Variants in ANKS1B observed in about 807,000 individuals in gnomAD.
ANKS1B encodes the protein ankyrin repeat and sterile alpha motif domain-containing protein 1B.
A neutral mutation model predicts 148.3 loss-of-function variants in ANKS1B; 36 were observed. The observed-to-expected ratio is 0.24, with a 90% CI of 0.19 to 0.32. The LOEUF (loss-of-function observed/expected upper bound fraction) is 0.32, where lower values mean the gene tolerates loss of function less well. ANKS1B is among the 10% of genes least tolerant of loss of function. The pLI, the probability that ANKS1B is intolerant of heterozygous loss-of-function variation, is 1.00. For synonymous variants in ANKS1B, 542 were observed against 560.8 expected (o/e 0.97, Z 0.47); for missense variants, 1,157 against 1,542.6 (o/e 0.75, Z 4.19).
At chr12:99,263,606 C>T (rs1225207384) in intron 12 of ANKS1B, among the ~76,000 whole-genome samples, 1 of 152,030 alleles carries the variant, frequency 6.6e-6, no homozygotes, top group Non-Finnish European at 1.5e-5. Context: ...GTGTCCCTAC[C>T]CAAATCTTAT....
chr12:98,965,932 T>A (rs12307893), intron 17 of ANKS1B, among the ~76,000 whole-genome samples: 77,019 of 151,954 alleles, frequency 0.51, 21,755 homozygotes, highest in African/African-American at 0.77. Flanking sequence ...TTAGACCTAA[T>A]ACCATAAAAA....
intron 17 of ANKS1B, among the ~76,000 whole-genome samples, chr12:98,911,023 T>C (rs1258851791): frequency 6.6e-6 from 1 of 152,072 alleles, no homozygotes; most frequent in Non-Finnish European, 1.5e-5. Context: ...TCTGTCAACA[T>C]ATGGAGAATT....
chr12:98,975,629 C>T (rs544241929), intron 17 of ANKS1B, among the ~76,000 whole-genome samples: 1 of 152,150 alleles, frequency 6.6e-6, no homozygotes, highest in South Asian at 2.1e-4. Flanking sequence ...GGGAAAGTCA[C>T]AGGGAGCATT....
Position 99,088,838 on chromosome 12 carries a change from G to GTTTTTTTTTTTTT in ANKS1B, c.2527-3828_2527-3816dup, listed in dbSNP as rs386377539. On this transcript the variant is annotated intron_variant, in intron 15 of 26. Coordinates refer to ENST00000683438, the MANE Select transcript of ANKS1B (RefSeq NM_001352186.2). ...GCTAGCAAATCTCAGTTTAACTTCT[G>GTTTTTTTTTTTTT]TTTTTTTTTTTTTTTTTTTTTTTTG... Among the ~76,000 whole-genome samples the GTTTTTTTTTTTTT allele has an allele frequency of 3.4e-4, 24 of 69,850 alleles. 3 individuals carry two copies. Among genetic ancestry groups the GTTTTTTTTTTTTT allele is most frequent in the African/African-American group, 8.8e-4 (14 of 15,946 alleles). The allele number at this position is 69,850 out of a possible 152,430, so 45.8% of individuals were successfully genotyped here.
intron 25 of ANKS1B, among the ~76,000 whole-genome samples, chr12:98,758,748 TTTTTCTTTTTTC>T (rs1231493854): frequency 7.1e-6 from 1 of 141,642 alleles, no homozygotes; most frequent in Admixed American, 7.0e-5. Context: ...TCCCCAGGGA[TTTTTCTTTTTTC>T]TTTTCTTTTC....
intron 14 of ANKS1B, among the ~76,000 whole-genome samples, chr12:99,197,806 G>C (rs1470192398): frequency 6.6e-6 from 1 of 152,096 alleles, no homozygotes; most frequent in Non-Finnish European, 1.5e-5. Flanking sequence ...TTTGATTTTA[G>C]CTCAATCAGA....
chr12:99,391,740 C>CTT (rs1478887757), intron 12 of ANKS1B, among the ~76,000 whole-genome samples: 1 of 152,186 alleles, frequency 6.6e-6, no homozygotes, highest in African/African-American at 2.4e-5. Flanking sequence ...AAGCAATCAA[C>CTT]TTTTCTTCAT....
At chr12:99,470,652 G>A (rs2096226158) in intron 10 of ANKS1B, among the ~76,000 whole-genome samples, 1 of 152,220 alleles carries the variant, frequency 6.6e-6, no homozygotes, top group Admixed American at 6.5e-5. Flanking sequence ...ATGCTAACAA[G>A]AGTGTGCACT....
chr12:99,778,080 G>T (rs2063857570), intron 6 of ANKS1B, among the ~76,000 whole-genome samples: 1 of 151,804 alleles, frequency 6.6e-6, no homozygotes, highest in Non-Finnish European at 1.5e-5. Context: ...GGTGCCTGTA[G>T]TCCCAGCTAC....
At chr12:98,855,796 C>T (rs918471366) in intron 17 of ANKS1B, among the ~76,000 whole-genome samples, 6 of 151,658 alleles carry the variant, frequency 4.0e-5, no homozygotes, top group Non-Finnish European at 8.8e-5. Context: ...TTGTAAACTG[C>T]AAAATGTCCT....
At chr12:99,886,810 C>T (rs56118713) in intron 1 of ANKS1B, among the ~76,000 whole-genome samples, 25,618 of 152,198 alleles carry the variant, frequency 0.17, 2,724 homozygotes, top group Non-Finnish European at 0.24. Context: ...TACATCCAGA[C>T]TTACATGCAG....
At chr12:99,562,416 G>A (rs2097345879) in intron 9 of ANKS1B, among the ~76,000 whole-genome samples, 1 of 152,210 alleles carries the variant, frequency 6.6e-6, no homozygotes, top group South Asian at 2.1e-4. Context: ...AGCTATGAAA[G>A]TCCTACATGG....
chr12:99,632,921 C>A (rs1251340570), intron 9 of ANKS1B, among the ~76,000 whole-genome samples: 1 of 78,174 alleles, frequency 1.3e-5, no homozygotes, highest in Admixed American at 1.8e-4. Context: ...CCCCCCACCC[C>A]ACCACAGGCC....
chr12:98,931,196 T>C (rs533476497), intron 17 of ANKS1B, among the ~76,000 whole-genome samples: 3 of 152,270 alleles, frequency 2.0e-5, no homozygotes, highest in South Asian at 4.1e-4. Context: ...TAAAGTTTAA[T>C]ATCCCCTGCT....
At chr12:99,938,355 G>A (rs1306954486) in intron 1 of ANKS1B, among the ~76,000 whole-genome samples, 2 of 152,014 alleles carry the variant, frequency 1.3e-5, no homozygotes, top group African/African-American at 4.8e-5. Context: ...TTCCCTAATT[G>A]AGCCCCAGTT....
chr12:98,759,483 G>A (rs913409783), intron 25 of ANKS1B, among the ~76,000 whole-genome samples: 3 of 152,230 alleles, frequency 2.0e-5, no homozygotes, highest in East Asian at 1.9e-4. Flanking sequence ...GAGGCTATAC[G>A]CAGCATATTC....
chr12:98,824,326 C>A (rs2099228253), intron 19 of ANKS1B, among the ~76,000 whole-genome samples: 2 of 152,112 alleles, frequency 1.3e-5, no homozygotes, highest in Admixed American at 1.3e-4. Flanking sequence ...AATCTACATG[C>A]TAAATATGGG....
intron 16 of ANKS1B, among the ~76,000 whole-genome samples, chr12:99,071,181 A>C (rs527639781): frequency 1.3e-5 from 2 of 152,362 alleles, no homozygotes; most frequent in South Asian, 4.1e-4. Flanking sequence ...TTGCTAGACT[A>C]AAATCTTCTT....
At chr12:99,568,132 T>G (rs1354138974) in intron 9 of ANKS1B, among the ~76,000 whole-genome samples, 1 of 152,218 alleles carries the variant, frequency 6.6e-6, no homozygotes, top group African/African-American at 2.4e-5. Flanking sequence ...AAGTCAGAAC[T>G]ATGAAAATCA....
Sources: allele counts gnomAD v4.1 joint callset (sites outside exome capture counted in the v4.1 genomes callset), GRCh38; gene constraint gnomAD v4.1.1; transcripts MANE v1.5; gene names NCBI Gene and HGNC (gene_info 2026-07-23, HGNC 2026-07-21).